Variants in ZNF816 observed in about 807,000 individuals in gnomAD.
ZNF816 encodes the protein zinc finger protein 816A.
ZNF816 carries 11 observed loss-of-function variants against 8.3 expected under a neutral mutation model. The observed-to-expected ratio is 1.32, with a 90% CI of 0.83 to 2.19. The LOEUF is 2.19. ZNF816 is among the 30% of genes most tolerant of loss of function. ZNF816 has a pLI of 0.00. For synonymous variants in ZNF816, 255 were observed against 254.5 expected, an observed-to-expected ratio of 1.00 and a Z score of -0.02; for missense variants, 710 against 779.3, an observed-to-expected ratio of 0.91 and a Z score of 1.06.
rs765002272 is a variant in ZNF816 at position 52,949,853 on chromosome 19, G to C, written c.1922C>G (p.Ala641Gly). ...TGQSTLIHHQ[A>G]IHGCRETLQM is the part of the protein sequence containing the mutation. ...TAAAGTTTCCCTACACCCATGGATT[G>C]CTTGATGGTGAATAAGTGTTGACTG... is the stretch of plus-strand genomic sequence containing the variant. The change falls in exon 4 of 4, where the codon GCA becomes GGA. Residue 641 changes from alanine to glycine, a missense_variant. Coordinates refer to ENST00000444460, the MANE Select transcript of ZNF816 (RefSeq NM_001202457.3). 24 of 1,613,558 alleles carry C rather than the reference G, an allele frequency of 1.5e-5. No individual in the cohort carries two copies. In the South Asian group the frequency reaches 2.5e-4, roughly 17 times the overall value.
At chr19:52,955,321 T>C (rs1271765049) in intron 2 of ZNF816, among the ~76,000 whole-genome samples, 16 of 152,232 alleles carry the variant, frequency 1.1e-4, no homozygotes, top group Admixed American at 1.0e-3. Flanking sequence ...GCTAACTCTA[T>C]TACTGGTATC....
At chr19:52,960,946 T>C (rs1329695656) in intron 1 of ZNF816, among the ~76,000 whole-genome samples, 1 of 152,226 alleles carries the variant, frequency 6.6e-6, no homozygotes, top group East Asian at 1.9e-4. Flanking sequence ...AAGCTCATCG[T>C]GGGACTCATT....
At chr19:52,961,417 C>T (rs2083555783) in intron 1 of ZNF816, among the ~76,000 whole-genome samples, 1 of 152,160 alleles carries the variant, frequency 6.6e-6, no homozygotes, top group African/African-American at 2.4e-5. Flanking sequence ...TGTCATGAGG[C>T]AGAGGTCTGT....
At position 52,957,504 on chromosome 19, in the gene ZNF816, G is replaced by A. The variant is rs1383003203; in HGVS notation, c.-15-1400C>T. On this transcript the variant is annotated intron_variant, in intron 1 of 3. Transcript: ENST00000444460. The surrounding 1 kb of genome is among the most constrained non-coding windows in gnomAD (Gnocchi z 4.6). Reference sequence around the variant, plus strand: ...AGCAGGAGGCCCCAGAAGGAGCCCTGTTCAATATAGCAGAAGAGTTACTGA... The same window carrying A: ...AGCAGGAGGCCCCAGAAGGAGCCCTATTCAATATAGCAGAAGAGTTACTGA... Among the ~76,000 whole-genome samples, 1 of 152,190 alleles carries A rather than the reference G, an allele frequency of 6.6e-6. No individual in the cohort carries two copies.
At chr19:52,959,330 G>A (rs1014622856) in intron 1 of ZNF816, among the ~76,000 whole-genome samples, 9 of 152,176 alleles carry the variant, frequency 5.9e-5, no homozygotes, top group Non-Finnish European at 8.8e-5. Flanking sequence ...CCTGAACCCC[G>A]CCACCTTACT....
chr19:52,949,883 GT>G lies in ZNF816; in HGVS notation c.1891del (p.Thr631LeufsTer63), dbSNP rs1341710735. The G allele has an allele frequency of 1.2e-6, 2 of 1,613,684 alleles. No homozygotes were observed. Among genetic ancestry groups the G allele is most frequent in the Non-Finnish European group, 1.7e-6 (2 of 1,179,792 alleles). Reference sequence around the variant, plus strand: ...ATGGTGAATAAGTGTTGACTGTCCAGTAAAGGCTTTGCCACACTCATTACAC... The same window carrying G: ...ATGGTGAATAAGTGTTGACTGTCCAGAAAGGCTTTGCCACACTCATTACAC... ...YKCNECGKAF[T>X]GQSTLIHHQA... On this transcript the variant is annotated frameshift_variant, in exon 4 of 4. Coordinates refer to ENST00000444460, the MANE Select transcript of ZNF816 (RefSeq NM_001202457.3). LOFTEE classifies it low-confidence loss of function (END_TRUNC).
rs752067738 is a variant in ZNF816 at position 52,950,670 on chromosome 19, A to C, written c.1105T>G (p.Tyr369Asp). 1.2e-6 allele frequency: 2 copies of C among 1,614,214 alleles called. No homozygotes were observed. Among genetic ancestry groups the C allele is most frequent in the Admixed American group, 3.3e-5 (2 of 60,026 alleles). The change falls in exon 4 of 4, where the codon TAC becomes GAC. Residue 369 changes from tyrosine to aspartate, a missense_variant. Tyr to Asp is a radical substitution (Grantham distance 160). Transcript: ENST00000444460. The part of the protein sequence containing the change: ...HKAIHTGEKP[Y>D]KCNECGKTFS... ...GTCTTGCCACACTCATTACACTTGT[A>C]AGGTTTCTCTCCAGTATGAATTGCC...
At chr19:52,952,379 A>C in intron 3 of ZNF816, 1 of 381,330 alleles carries the variant, frequency 2.6e-6, no homozygotes, top group South Asian at 7.8e-5. Flanking sequence ...GAAAACAAAC[A>C]AACAAAAAGA....
At chr19:52,961,960 T>C (rs984144214) in intron 1 of ZNF816, among the ~76,000 whole-genome samples, 1 of 152,138 alleles carries the variant, frequency 6.6e-6, no homozygotes, top group African/African-American at 2.4e-5. Flanking sequence ...GACAATACTA[T>C]GTAGCTAAGG....
chr19:52,955,168 A>C (rs182113134), intron 2 of ZNF816, among the ~76,000 whole-genome samples: 1 of 152,168 alleles, frequency 6.6e-6, no homozygotes, highest in African/African-American at 2.4e-5. Flanking sequence ...TTGCTTCATC[A>C]GAGTCCCTGT....
At position 52,950,066 on chromosome 19, in the gene ZNF816, C is replaced by T. The variant is rs2083441080; in HGVS notation, c.1709G>A (p.Cys570Tyr). The change falls in exon 4 of 4, where the codon TGT becomes TAT. Residue 570 changes from cysteine (C) to tyrosine (Y), a missense_variant. By Grantham distance (194) the Cys-to-Tyr change is radical. Coordinates refer to ENST00000444460, the MANE Select transcript of ZNF816 (RefSeq NM_001202457.3). Reference protein sequence around the residue: ...TGEKPYKCNKCAKVFNQKGIL... With the variant: ...TGEKPYKCNKYAKVFNQKGIL... ...TCCTTTTTGATTAAAAACCTTCGCA[C>T]ATTTATTACACTTGTAAGGTTTCTC... 2 of 1,614,024 alleles carry T rather than the reference C, an allele frequency of 1.2e-6. No homozygotes were observed. The highest frequency in any genetic ancestry group is 1.1e-5 in the South Asian group (1 of 91,080).
rs1383204348 is a variant in ZNF816, at chr19:52,951,019, T to C, written c.756A>G (p.Ser252=). The change falls in exon 4 of 4, where the codon TCA becomes TCG. Residue 252 remains serine, a synonymous_variant. Transcript: ENST00000444460. The stretch of plus-strand genomic sequence containing the variant: ...CATCACATTTATATTCTCTCTCTCT[T>C]GAATGGGTTATGTGGTGTCTCCTTA... ...SLLRRHHITH[S]REREYKCDVC... 2 of 1,613,964 alleles carry C rather than the reference T, an allele frequency of 1.2e-6. No individual in the cohort carries two copies. Among genetic ancestry groups the C allele is most frequent in the African/African-American group, 1.3e-5 (1 of 75,020 alleles).
chr19:52,953,016 C>T, intron 2 of ZNF816, 139 bp from the exon 3 acceptor site: 2 of 1,415,152 alleles, frequency 1.4e-6, no homozygotes, highest in East Asian at 2.5e-5. Context: ...TATTTTTGAA[C>T]AATTTTTCAG....
chr19:52,950,674 T>C lies in ZNF816; in HGVS notation c.1101A>G (p.Lys367=). Residue 367 remains lysine (K), a synonymous_variant, in exon 4 of 4, where the codon AAA becomes AAG. Coordinates refer to ENST00000444460, the MANE Select transcript of ZNF816 (RefSeq NM_001202457.3). ...TGCCACACTCATTACACTTGTAAGG[T>C]TTCTCTCCAGTATGAATTGCCTTAT... ...VIHKAIHTGE[K]PYKCNECGKT... is the part of the protein sequence containing the mutation. 6.2e-7 allele frequency: 1 copy of C among 1,614,172 alleles called. No individual in the cohort carries two copies. Among genetic ancestry groups the C allele is most frequent in the Non-Finnish European group, 8.5e-7 (1 of 1,180,028 alleles).
At chr19:52,958,923 A>G (rs1227527930) in intron 1 of ZNF816, among the ~76,000 whole-genome samples, 10 of 152,232 alleles carry the variant, frequency 6.6e-5, no homozygotes, top group Admixed American at 5.9e-4. Context: ...CAAGCCTTTC[A>G]TGAGTTAAAA....
At position 52,950,622 on chromosome 19, in the gene ZNF816, G is replaced by A. The variant is rs373586900; in HGVS notation, c.1153C>T (p.Gln385Ter). The part of the protein sequence containing the change: ...GKTFSQKSSL[Q>*]CHHILHTGEK... ...CCAGTGTGAAGTATATGATGGCATT[G>A]AAGGGATGATTTCTGACTGAAGGTC... The change falls in exon 4 of 4, where the codon CAA becomes TAA. Residue 385 changes from glutamine (Q) to a stop codon, truncating the protein, a stop_gained. Transcript: ENST00000444460. LOFTEE classifies it low-confidence loss of function (END_TRUNC). 3.1e-6 allele frequency: 5 copies of A among 1,613,842 alleles called. No individual in the cohort carries two copies. Among genetic ancestry groups the A allele is most frequent in the Non-Finnish European group, 4.2e-6 (5 of 1,179,998 alleles).
At chr19:52,962,150 C>A (rs186314235) in intron 1 of ZNF816, among the ~76,000 whole-genome samples, 52 of 152,166 alleles carry the variant, frequency 3.4e-4, no homozygotes, top group African/African-American at 1.3e-3. Flanking sequence ...TGAGACTGGA[C>A]GGCCCCCGCT....
intron 2 of ZNF816, chr19:52,953,533 TAA>T (rs1568438333): frequency 1.8e-5 from 1 of 54,326 alleles, no homozygotes; most frequent in Non-Finnish European, 3.1e-5. Context: ...TTATAATATA[TAA>T]TATATAATAC....
chr19:52,952,748 C>T lies in ZNF816; in HGVS notation c.190+3G>A, dbSNP rs202129754. 24 of 1,613,818 alleles carry T rather than the reference C, an allele frequency of 1.5e-5. No homozygotes were observed. In the African/African-American group the frequency reaches 2.5e-4, roughly 17 times the overall value. On this transcript the variant is annotated splice_donor_region_variant and intron_variant, in intron 3 of 3. Coordinates refer to ENST00000444460, the MANE Select transcript of ZNF816 (RefSeq NM_001202457.3). ...CTCATGTCTGGAGGGACATTTTCCT[C>T]ACCCACAAACTCCAGGTTCCTGTAG...
Sources: gnomAD v4.1 joint callset for allele counts (sites outside exome capture counted in the v4.1 genomes callset) on GRCh38, gnomAD v4.1.1 for gene constraint, Gnocchi (gnomAD v3.1) non-coding constraint, MANE v1.5 for transcripts, NCBI Gene and HGNC (gene_info 2026-07-23, HGNC 2026-07-21) for gene names.